CCDC85A: variants seen among roughly 807,000 people sequenced by gnomAD.
The protein encoded by CCDC85A is coiled-coil domain-containing protein 85A.
In CCDC85A, 38 loss-of-function variants were observed where a neutral mutation model predicts 50.2. The ratio of observed to expected loss-of-function variants is 0.76; its 90% CI spans 0.58 to 0.99. CCDC85A has a LOEUF of 0.99. CCDC85A is among the 50% of genes least tolerant of loss of function. CCDC85A has a pLI of 0.00. For missense variants in CCDC85A, 820 were observed against 742.0 expected (o/e 1.11, Z -1.22); for synonymous variants, 366 against 301.4 (o/e 1.21, Z -2.22).
chr2:56,370,875 G>A (rs1401957179), intron 3 of CCDC85A, among the ~76,000 whole-genome samples: 1 of 152,012 alleles, frequency 6.6e-6, no homozygotes, highest in Admixed American at 6.6e-5. Flanking sequence ...TCTGAGAGGT[G>A]CATGTTATGG....
chr2:56,375,366 T>C (rs901436873), intron 4 of CCDC85A, among the ~76,000 whole-genome samples: 1 of 152,228 alleles, frequency 6.6e-6, no homozygotes, highest in African/African-American at 2.4e-5. Context: ...TATAGGTCTT[T>C]CCCTCAAAGA....
At chr2:56,352,689 A>G (rs1675015591) in intron 3 of CCDC85A, among the ~76,000 whole-genome samples, 1 of 152,190 alleles carries the variant, frequency 6.6e-6, no homozygotes, top group South Asian at 2.1e-4. Flanking sequence ...TTGTATGAAA[A>G]ATAAGCAAAA....
chr2:56,372,977 G>A (rs562097711), intron 4 of CCDC85A, among the ~76,000 whole-genome samples: 1 of 152,240 alleles, frequency 6.6e-6, no homozygotes, highest in South Asian at 2.1e-4. Flanking sequence ...AAATAGTTCA[G>A]TGAAAATGTA....
intron 2 of CCDC85A, among the ~76,000 whole-genome samples, chr2:56,299,050 A>G (rs1573205161): frequency 1.3e-5 from 2 of 152,300 alleles, no homozygotes; most frequent in South Asian, 2.1e-4. Context: ...TAGGCATACA[A>G]CAGTGTGGAA....
At chr2:56,279,132 A>C (rs952594094) in intron 2 of CCDC85A, among the ~76,000 whole-genome samples, 1 of 152,144 alleles carries the variant, frequency 6.6e-6, no homozygotes, top group Non-Finnish European at 1.5e-5. Flanking sequence ...AGCTTAATGG[A>C]CTGTGAACTA....
intron 2 of CCDC85A, among the ~76,000 whole-genome samples, chr2:56,218,553 G>A (rs116339353): frequency 0.02 from 3,006 of 151,790 alleles, 47 homozygotes; most frequent in Non-Finnish European, 0.027. Context: ...TACTTTTAAG[G>A]TAATAATCAC....
At chr2:56,257,362 A>T (rs1670028267) in intron 2 of CCDC85A, among the ~76,000 whole-genome samples, 1 of 152,196 alleles carries the variant, frequency 6.6e-6, no homozygotes, top group Non-Finnish European at 1.5e-5. Context: ...GAAAACTTTC[A>T]TGAACAAGAT....
chr2:56,228,216 T>C (rs1668622495), intron 2 of CCDC85A, among the ~76,000 whole-genome samples: 1 of 152,134 alleles, frequency 6.6e-6, no homozygotes. Flanking sequence ...GTGCCCTAAT[T>C]TCCTTATCTG....
intron 2 of CCDC85A, among the ~76,000 whole-genome samples, chr2:56,273,525 T>C (rs1670790574): frequency 6.6e-6 from 1 of 152,090 alleles, no homozygotes; most frequent in Admixed American, 6.6e-5. Context: ...TAATATTTCA[T>C]ACCCATGAAA....
rs559277212 is a variant in CCDC85A, at chr2:56,379,706, C to CT, written c.1572+3777dup. 1.9e-5 allele frequency: 13 copies of CT among 695,916 alleles called. No individual in the cohort carries two copies. The South Asian group carries it at 7.7e-4, about 41-fold the overall frequency. The allele number at this position is 695,916 out of a possible 1,614,324, so 43.1% of individuals were successfully genotyped here. On this transcript the variant is annotated intron_variant, in intron 5 of 5. Coordinates refer to ENST00000407595, the MANE Select transcript of CCDC85A (RefSeq NM_001080433.2). ...TGATGGTTTTATCATAACTAACAAG[C>CT]TTTTTTCCATGTGAAATTTGCTTTT...
intron 2 of CCDC85A, among the ~76,000 whole-genome samples, chr2:56,328,842 C>G (rs1673612600): frequency 6.6e-6 from 1 of 152,140 alleles, no homozygotes; most frequent in Non-Finnish European, 1.5e-5. Context: ...ACAGTCATCT[C>G]TCAGTCCAGT....
intron 3 of CCDC85A, among the ~76,000 whole-genome samples, chr2:56,367,109 T>A (rs1675833075): frequency 6.6e-6 from 1 of 152,124 alleles, no homozygotes; most frequent in African/African-American, 2.4e-5. Flanking sequence ...ACAGAGCCCC[T>A]TCTGCCAATT....
At chr2:56,196,761 A>G (rs1322608661) in intron 2 of CCDC85A, among the ~76,000 whole-genome samples, 1 of 152,188 alleles carries the variant, frequency 6.6e-6, no homozygotes. Flanking sequence ...AATGCAGAAG[A>G]AAAAATAGTA....
intron 2 of CCDC85A, among the ~76,000 whole-genome samples, chr2:56,238,630 G>A (rs1307714135): frequency 6.6e-6 from 1 of 152,102 alleles, no homozygotes; most frequent in East Asian, 1.9e-4. Context: ...TTGTCTTTAT[G>A]AGGATGCTAG....
At chr2:56,246,489 T>A (rs1198488060) in intron 2 of CCDC85A, among the ~76,000 whole-genome samples, 1 of 152,160 alleles carries the variant, frequency 6.6e-6, no homozygotes, top group Non-Finnish European at 1.5e-5. Flanking sequence ...TCTAAAAGTT[T>A]TATAGTTTTA....
chr2:56,291,938 G>A (rs1302638774), intron 2 of CCDC85A, among the ~76,000 whole-genome samples: 1 of 152,138 alleles, frequency 6.6e-6, no homozygotes, highest in Non-Finnish European at 1.5e-5. Flanking sequence ...GATGGCAAAG[G>A]CTAGCTTGCA....
chr2:56,323,542 C>T (rs1386507256), intron 2 of CCDC85A, among the ~76,000 whole-genome samples: 1 of 151,956 alleles, frequency 6.6e-6, no homozygotes, highest in Non-Finnish European at 1.5e-5. Flanking sequence ...CCAAATGCCC[C>T]CCTTGTTGAT....
At chr2:56,307,249 T>C (rs1028461599) in intron 2 of CCDC85A, among the ~76,000 whole-genome samples, 10 of 152,154 alleles carry the variant, frequency 6.6e-5, no homozygotes, top group Non-Finnish European at 8.8e-5. Context: ...CTTTTAAGTA[T>C]GCAAAGCAAG....
intron 4 of CCDC85A, among the ~76,000 whole-genome samples, chr2:56,374,093 AG>A (rs1444235564): frequency 6.6e-6 from 1 of 152,230 alleles, no homozygotes; most frequent in African/African-American, 2.4e-5. Flanking sequence ...CCTTTCCCAC[AG>A]GGGATTGGGT....
Sources: allele counts gnomAD v4.1 joint callset (sites outside exome capture counted in the v4.1 genomes callset), GRCh38; gene constraint gnomAD v4.1.1; transcripts MANE v1.5; gene names NCBI Gene and HGNC (gene_info 2026-07-23, HGNC 2026-07-21).